Variants in ZBTB7C observed in about 807,000 individuals in gnomAD.
ZBTB7C encodes the protein zinc finger and BTB domain containing 7C.
Under a neutral mutation model 25.7 loss-of-function variants are expected in ZBTB7C, and 8 were observed. The ratio of observed to expected loss-of-function variants is 0.31; its 90% CI spans 0.18 to 0.56. ZBTB7C has a LOEUF of 0.56. Ranked by LOEUF, ZBTB7C falls within the 20% of genes least tolerant of loss-of-function variation. The probability of loss-of-function intolerance (pLI) is 0.91; values close to 1 mark genes in which losing one functional copy is unlikely to be tolerated. For synonymous variants in ZBTB7C, 394 were observed against 369.0 expected (o/e 1.07, Z -0.78); for missense variants, 824 against 855.2 (o/e 0.96, Z 0.46).
chr18:48,104,957 G>A (rs907440045), intron 3 of ZBTB7C, among the ~76,000 whole-genome samples: 4 of 152,170 alleles, frequency 2.6e-5, no homozygotes, highest in East Asian at 1.9e-4. Flanking sequence ...GGATAATGCC[G>A]CACTGACCTC....
intron 2 of ZBTB7C, among the ~76,000 whole-genome samples, chr18:48,317,482 C>T (rs2045977519): frequency 6.6e-6 from 1 of 152,126 alleles, no homozygotes; most frequent in African/African-American, 2.4e-5. Flanking sequence ...GATCTGATTC[C>T]AGAAACAAAA....
intron 3 of ZBTB7C, among the ~76,000 whole-genome samples, chr18:48,090,480 G>A (rs2038370557): frequency 6.6e-6 from 1 of 152,228 alleles, no homozygotes; most frequent in African/African-American, 2.4e-5. Context: ...AAGGCAGGAA[G>A]AACAAACCAA....
rs562028613 is a variant in ZBTB7C, at chr18:48,220,287, C to A, written c.-78-34292G>T. Among the ~76,000 whole-genome samples, 3 of 152,310 alleles carry A rather than the reference C, an allele frequency of 2.0e-5. No homozygotes were observed. In the South Asian group the frequency reaches 6.2e-4, roughly 32 times the overall value. ...AGGATGGAGAGGGGATGAATGAGTG[C>A]AGCTCAGTCAAGCACCACTTTATTG... is the stretch of plus-strand genomic sequence containing the variant. On this transcript the variant is annotated intron_variant, in intron 2 of 4. Coordinates refer to ENST00000590800, the MANE Select transcript of ZBTB7C (RefSeq NM_001318841.2).
At chr18:48,092,529 A>G (rs1289085218) in intron 3 of ZBTB7C, among the ~76,000 whole-genome samples, 1 of 152,234 alleles carries the variant, frequency 6.6e-6, no homozygotes, top group East Asian at 1.9e-4. Context: ...TGTGGAGGAG[A>G]TAATACAATA....
intron 3 of ZBTB7C, among the ~76,000 whole-genome samples, chr18:48,119,243 T>C (rs2039545098): frequency 6.6e-6 from 1 of 152,262 alleles, no homozygotes; most frequent in African/African-American, 2.4e-5. Flanking sequence ...ATTACTTTGT[T>C]TGCATCCAGG....
At chr18:48,223,097 T>C (rs932485294) in intron 2 of ZBTB7C, among the ~76,000 whole-genome samples, 6 of 152,194 alleles carry the variant, frequency 3.9e-5, no homozygotes, top group African/African-American at 1.4e-4. Context: ...TAACTGCATG[T>C]GATCCCAACA....
chr18:48,289,087 C>T (rs968633966), intron 2 of ZBTB7C, among the ~76,000 whole-genome samples: 6 of 152,178 alleles, frequency 3.9e-5, no homozygotes, highest in Non-Finnish European at 7.3e-5. Flanking sequence ...AAACCACTTC[C>T]CATCGCCAGA....
chr18:48,250,514 T>C (rs8083017), intron 2 of ZBTB7C, among the ~76,000 whole-genome samples: 65,892 of 151,924 alleles, frequency 0.43, 15,071 homozygotes, highest in African/African-American at 0.59. Flanking sequence ...CTGTTGTCCT[T>C]GTGGTGGAAT....
intron 3 of ZBTB7C, chr18:48,136,941 C>A: frequency 1.0e-6 from 1 of 973,996 alleles, no homozygotes; most frequent in South Asian, 4.7e-5. Flanking sequence ...CCCCACGGCC[C>A]GGCCGCTGGG....
intron 3 of ZBTB7C, among the ~76,000 whole-genome samples, chr18:48,045,845 G>A (rs547161487): frequency 6.6e-6 from 1 of 152,338 alleles, no homozygotes; most frequent in South Asian, 2.1e-4. Flanking sequence ...CAAAGTTGGT[G>A]GAAGGTCTAT....
At chr18:48,065,454 G>A (rs968332913) in intron 3 of ZBTB7C, among the ~76,000 whole-genome samples, 1 of 152,100 alleles carries the variant, frequency 6.6e-6, no homozygotes, top group Non-Finnish European at 1.5e-5. Context: ...TTTGCCTAAC[G>A]CCTTTTAATA....
chr18:48,264,237 T>A (rs1476328176), intron 2 of ZBTB7C, among the ~76,000 whole-genome samples: 1 of 152,194 alleles, frequency 6.6e-6, no homozygotes, highest in Admixed American at 6.5e-5. Flanking sequence ...TCAATTACAG[T>A]CAGAAGCTGA....
At chr18:48,174,517 C>G (rs572780370) in intron 3 of ZBTB7C, among the ~76,000 whole-genome samples, 4 of 152,320 alleles carry the variant, frequency 2.6e-5, no homozygotes, top group Middle Eastern at 3.4e-3. Flanking sequence ...CAACGCCTAA[C>G]AAAACTACAT....
At chr18:48,345,590 C>T (rs1038344574) in intron 1 of ZBTB7C, among the ~76,000 whole-genome samples, 1 of 152,174 alleles carries the variant, frequency 6.6e-6, no homozygotes, top group Non-Finnish European at 1.5e-5. Context: ...CTTCAGCATG[C>T]TCCTGGGCGG....
intron 2 of ZBTB7C, among the ~76,000 whole-genome samples, chr18:48,321,100 T>C (rs769067292): frequency 3.3e-5 from 5 of 152,260 alleles, no homozygotes; most frequent in Admixed American, 6.5e-5. Flanking sequence ...ACCCCACGAC[T>C]GTTATAATAG....
intron 2 of ZBTB7C, among the ~76,000 whole-genome samples, chr18:48,280,268 C>T (rs536938559): frequency 9.7e-4 from 147 of 152,128 alleles, no homozygotes; most frequent in South Asian, 4.6e-3. Context: ...CACCGACTCC[C>T]GAGACTTCAC....
chr18:48,181,481 T>A (rs2041921429), intron 3 of ZBTB7C, among the ~76,000 whole-genome samples: 1 of 152,098 alleles, frequency 6.6e-6, no homozygotes, highest in African/African-American at 2.4e-5. Flanking sequence ...CGCCTCCTTC[T>A]CCTGGTACCC....
intron 3 of ZBTB7C, among the ~76,000 whole-genome samples, chr18:48,166,370 G>T (rs2144988780): frequency 6.6e-6 from 1 of 152,272 alleles, no homozygotes; most frequent in East Asian, 1.9e-4. Context: ...GCCTATCATG[G>T]ATGCTTCATA....
At chr18:48,209,865 T>A (rs187157945) in intron 2 of ZBTB7C, among the ~76,000 whole-genome samples, 39 of 152,016 alleles carry the variant, frequency 2.6e-4, no homozygotes, top group African/African-American at 9.2e-4. Context: ...ATGGACACCA[T>A]CAATAAAGTG....
Sources: allele counts gnomAD v4.1 joint callset (sites outside exome capture counted in the v4.1 genomes callset), GRCh38; gene constraint gnomAD v4.1.1; transcripts MANE v1.5; gene names NCBI Gene and HGNC (gene_info 2026-07-23, HGNC 2026-07-21).